The following BLK variants were observed in gnomAD, a reference collection of about 807,000 sequenced individuals.
The protein encoded by BLK is tyrosine-protein kinase Blk.
BLK carries 64 observed loss-of-function variants against 61.8 expected under a neutral mutation model. That is an observed-to-expected ratio of 1.03 (90% CI 0.85 to 1.27). BLK has a LOEUF of 1.27. BLK is among the 50% of genes most tolerant of loss of function. The pLI is 0.00. For missense variants in BLK, 853 were observed against 660.5 expected, an observed-to-expected ratio of 1.29 and a Z score of -3.19; for synonymous variants, 351 against 272.0, an observed-to-expected ratio of 1.29 and a Z score of -2.86.
At chr8:11,533,289 A>T (rs1291476343) in intron 1 of BLK, among the ~76,000 whole-genome samples, 2 of 152,290 alleles carry the variant, frequency 1.3e-5, no homozygotes, top group East Asian at 3.9e-4. Context: ...TTGAAAGCAT[A>T]AAAGAGAACC....
At chr8:11,530,749 GA>G (rs1563445591) in intron 1 of BLK, among the ~76,000 whole-genome samples, 1 of 152,128 alleles carries the variant, frequency 6.6e-6, no homozygotes, top group African/African-American at 2.4e-5. Flanking sequence ...GTGAAAAGTC[GA>G]AAAGATTTTT....
intron 1 of BLK, among the ~76,000 whole-genome samples, chr8:11,519,570 T>G (rs1210861551): frequency 6.6e-6 from 1 of 152,378 alleles, no homozygotes; most frequent in South Asian, 2.1e-4. Flanking sequence ...CAAAAGTTTA[T>G]GTACAGCATC....
chr8:11,561,382 G>A lies in BLK; in HGVS notation c.1110G>A (p.Glu370=). The change falls in exon 11 of 13, where the codon GAG becomes GAA. Residue 370 remains glutamate (E), a synonymous_variant. Coordinates refer to ENST00000259089, the MANE Select transcript of BLK (RefSeq NM_001715.3). ...DLRAANILVS[E]ALCCKIADFG... is the part of the protein sequence containing the mutation. Reference sequence around the variant, plus strand: ...GGGCGGCCAACATCCTGGTGTCTGAGGCCTTGTGCTGCAAAATTGCTGATT... The same window carrying A: ...GGGCGGCCAACATCCTGGTGTCTGAAGCCTTGTGCTGCAAAATTGCTGATT... 6.2e-7 allele frequency: 1 copy of A among 1,614,160 alleles called. No individual in the cohort carries two copies. The highest frequency in any genetic ancestry group is 2.2e-5 in the East Asian group (1 of 44,882).
At position 11,498,657 on chromosome 8, in the gene BLK, T is replaced by A. The variant is rs371932955; in HGVS notation, c.-2+4066T>A. On this transcript the variant is annotated intron_variant, in intron 1 of 12. Coordinates refer to ENST00000259089, the MANE Select transcript of BLK (RefSeq NM_001715.3). The stretch of plus-strand genomic sequence containing the variant: ...AGGGCTCCAGTGCAAGGTTCAGCCC[T>A]GGCAATGTGAGCAAGTCACTGTGTG... 4.6e-5 allele frequency among the ~76,000 whole-genome samples: 7 copies of A among 152,326 alleles called. No individual in the cohort carries two copies. In the East Asian group the frequency reaches 1.2e-3, roughly 25 times the overall value.
At position 11,556,777 on chromosome 8, in the gene BLK, C is replaced by T. The variant is rs745877998; in HGVS notation, c.892C>T (p.Arg298Ter). 27 of 1,614,074 alleles carry T rather than the reference C, an allele frequency of 1.7e-5. No individual in the cohort carries two copies. The highest frequency in any genetic ancestry group is 8.9e-5 in the East Asian group (4 of 44,898). Residue 298 changes from arginine (R) to a stop codon, truncating the protein, a stop_gained, in exon 9 of 13, where the codon CGA becomes TGA. Transcript: ENST00000259089. LOFTEE classifies it high-confidence loss of function. ...GGCTCTGCAGCACGAGCGGCTGGTC[C>T]GACTCTACGCAGTGGTCACCAAGGA... ...MKALQHERLV[R>*]LYAVVTKEPI...
intron 1 of BLK, among the ~76,000 whole-genome samples, chr8:11,521,588 G>C (rs551602181): frequency 6.6e-6 from 1 of 152,338 alleles, no homozygotes; most frequent in Admixed American, 6.5e-5. Flanking sequence ...ACTGTACCTG[G>C]ACCATATTTA....
At chr8:11,546,142 C>A in intron 3 of BLK, 39 bp downstream of exon 3, 1 of 1,609,750 alleles carries the variant, frequency 6.2e-7, no homozygotes, top group South Asian at 1.1e-5. Context: ...CTCCACAGCC[C>A]TCTCCCCTAG....
intron 11 of BLK, 132 bp from the exon 12 acceptor site, chr8:11,562,847 T>A (rs1486077786): frequency 7.8e-7 from 1 of 1,283,512 alleles, no homozygotes; most frequent in Non-Finnish European, 1.1e-6. Context: ...CCGCCATGCC[T>A]GGCCGCCCCG....
intron 1 of BLK, among the ~76,000 whole-genome samples, chr8:11,510,804 A>AATAC (rs990132953): frequency 7.0e-6 from 1 of 143,180 alleles, no homozygotes; most frequent in Non-Finnish European, 1.6e-5. Flanking sequence ...TAAATAAATA[A>AATAC]ATAAATAAAT....
intron 1 of BLK, among the ~76,000 whole-genome samples, chr8:11,527,288 G>A (rs1799696329): frequency 1.3e-5 from 2 of 152,050 alleles, no homozygotes; most frequent in South Asian, 4.1e-4. Flanking sequence ...TCACCCATTT[G>A]GGGCACAATT....
At chr8:11,507,907 G>T (rs1410662720) in intron 1 of BLK, among the ~76,000 whole-genome samples, 4 of 152,164 alleles carry the variant, frequency 2.6e-5, no homozygotes, top group Admixed American at 1.3e-4. Context: ...CTCTCTCTGG[G>T]GTTCAGGGCC....
chr8:11,543,286 G>C lies in BLK; in HGVS notation c.62G>C (p.Gly21Ala), dbSNP rs761315859. Residue 21 changes from glycine (G) to alanine (A), a missense_variant, in exon 2 of 13, where the codon GGC (glycine) becomes GCC (alanine). Gly to Ala is a moderately conservative substitution (Grantham distance 60). Transcript: ENST00000259089. ...AAGCCGATCAAAGAGAAGGACAAGG[G>C]CCAATGGAGCCCCCTGAAGGTCAGC... The part of the protein sequence containing the change: ...KEKPIKEKDK[G>A]QWSPLKVSAQ... 6.2e-6 allele frequency: 10 copies of C among 1,613,890 alleles called. No individual in the cohort carries two copies. The highest frequency in any genetic ancestry group is 8.5e-6 in the Non-Finnish European group (10 of 1,180,018).
intron 8 of BLK, chr8:11,556,018 T>C (rs1447329771): frequency 3.3e-5 from 9 of 269,648 alleles, no homozygotes; most frequent in South Asian, 4.4e-5. Context: ...CCTGGATTGG[T>C]CCATGAGTCC....
At chr8:11,496,264 G>T (rs986395740) in intron 1 of BLK, among the ~76,000 whole-genome samples, 1 of 152,112 alleles carries the variant, frequency 6.6e-6, no homozygotes, top group Non-Finnish European at 1.5e-5. Flanking sequence ...CAGAGATGGG[G>T]TCTTGCTCTG....
At chr8:11,559,370 C>T (rs566781945) in intron 10 of BLK, among the ~76,000 whole-genome samples, 1 of 149,022 alleles carries the variant, frequency 6.7e-6, no homozygotes, top group African/African-American at 2.5e-5. Flanking sequence ...CAGACTCACA[C>T]AGACACGCAA....
At chr8:11,544,118 C>G (rs913386953) in intron 2 of BLK, among the ~76,000 whole-genome samples, 4 of 152,134 alleles carry the variant, frequency 2.6e-5, no homozygotes, top group Non-Finnish European at 5.9e-5. Context: ...ACACATGCCA[C>G]CACACCTGGC....
chr8:11,538,624 A>G (rs1258066437), intron 1 of BLK, among the ~76,000 whole-genome samples: 6 of 152,390 alleles, frequency 3.9e-5, no homozygotes, highest in Admixed American at 3.9e-4. Flanking sequence ...GGAAGCTTAA[A>G]GTCAATGGCA....
intron 5 of BLK, among the ~76,000 whole-genome samples, chr8:11,549,628 G>A (rs2117493424): frequency 6.6e-6 from 1 of 152,338 alleles, no homozygotes; most frequent in South Asian, 2.1e-4. Flanking sequence ...TGCTCACAGG[G>A]ACTAGCTCTG....
chr8:11,527,091 A>C (rs903285365), intron 1 of BLK, among the ~76,000 whole-genome samples: 1 of 152,002 alleles, frequency 6.6e-6, no homozygotes, highest in African/African-American at 2.4e-5. Flanking sequence ...CTGTACGTGC[A>C]TGCTCGCAAG....
Sources: allele counts gnomAD v4.1 joint callset (sites outside exome capture counted in the v4.1 genomes callset), GRCh38; gene constraint gnomAD v4.1.1; transcripts MANE v1.5; gene names NCBI Gene and HGNC (gene_info 2026-07-23, HGNC 2026-07-21).